The following AKR1B15 variants were observed in gnomAD, a reference collection of about 807,000 sequenced individuals.
The protein encoded by AKR1B15 is aldo-keto reductase family 1 member B15.
Under a neutral mutation model 38.5 loss-of-function variants are expected in AKR1B15, and 49 were observed. The observed-to-expected ratio is 1.27, with a 90% CI of 1.01 to 1.62. The LOEUF is 1.62. Ranked by LOEUF, AKR1B15 falls within the 40% of genes most tolerant of loss-of-function variation. The pLI is 0.00. For synonymous variants in AKR1B15, 137 were observed against 135.5 expected, an observed-to-expected ratio of 1.01 and a Z score of -0.08; for missense variants, 411 against 381.6, an observed-to-expected ratio of 1.08 and a Z score of -0.64.
intron 6 of AKR1B15, among the ~76,000 whole-genome samples, chr7:134,574,362 G>T (rs774591804): frequency 5.3e-5 from 8 of 151,942 alleles, no homozygotes; most frequent in Non-Finnish European, 1.2e-4. Flanking sequence ...CTCTCTCTCG[G>T]GGTTTTTGTT....
Position 134,568,180 on chromosome 7 carries a change from A to C in AKR1B15, c.173A>C (p.Glu58Ala), listed in dbSNP as rs753807222. The change falls in exon 4 of 12, where the codon GAA becomes GCA. Residue 58 changes from glutamate to alanine, a missense_variant. Glu to Ala is a moderately radical substitution (Grantham distance 107). Around this residue, in one of 3 missense-constraint regions of AKR1B15, gnomAD observed 254 missense variants for 212.4 expected, o/e 1.20. Transcript: ENST00000457545. ...CAGTCTCTTCTCGGCAAAGTGAAAG[A>C]AGCGGTGAAGGTGGCCATTGATGCA... is the stretch of plus-strand genomic sequence containing the variant. ...YPASLLGKVK[E>A]AVKVAIDAEY... 1 of 1,614,102 alleles carries C rather than the reference A, an allele frequency of 6.2e-7. No individual in the cohort carries two copies. Among genetic ancestry groups the C allele is most frequent in the Non-Finnish European group, 8.5e-7 (1 of 1,179,980 alleles).
At chr7:134,566,289 C>T (rs706201) in intron 3 of AKR1B15, among the ~76,000 whole-genome samples, 88,066 of 151,916 alleles carry the variant, frequency 0.58, 26,732 homozygotes, top group African/African-American at 0.78. Context: ...AGTGAGATCC[C>T]GTGTAAGAGA....
chr7:134,562,886 CTTTCCTTCT>C (rs1794450398), intron 2 of AKR1B15, among the ~76,000 whole-genome samples: 5 of 127,708 alleles, frequency 3.9e-5, no homozygotes, highest in African/African-American at 6.1e-5. Flanking sequence ...TTCTTTCTTT[CTTTCCTTCT>C]TTCTTCCTTC....
rs76686337 is a variant in AKR1B15, at chr7:134,579,492, T to A, written c.993-15T>A. 1.0e-5 allele frequency: 16 copies of A among 1,546,190 alleles called. No homozygotes were observed. In the South Asian group the frequency reaches 1.8e-4, roughly 18 times the overall value. ...ATGGAACACAGTTTCTTTTTTTTTT[T>A]CTCTCTCTCTGTAGATTCTCTCATT... On this transcript the variant is annotated splice_polypyrimidine_tract_variant and intron_variant, in intron 11 of 11. Transcript: ENST00000457545.
chr7:134,552,107 A>C (rs1204943673), intron 1 of AKR1B15, among the ~76,000 whole-genome samples: 1 of 152,180 alleles, frequency 6.6e-6, no homozygotes, highest in African/African-American at 2.4e-5. Context: ...CACTCACGAG[A>C]GGTGAGTTTA....
Position 134,577,691 on chromosome 7 carries a change from C to T in AKR1B15, c.910-13C>T. The T allele has an allele frequency of 1.9e-6, 3 of 1,612,946 alleles. No homozygotes were observed. Among genetic ancestry groups the T allele is most frequent in the Non-Finnish European group, 2.5e-6 (3 of 1,179,440 alleles). The stretch of plus-strand genomic sequence containing the variant: ...GCCTTACCGATAATGTATTGGAATT[C>T]TTTCCTTTCTAGGTCTTTGACTTTA... On this transcript the variant is annotated splice_polypyrimidine_tract_variant and intron_variant, in intron 10 of 11. Coordinates refer to ENST00000457545, the MANE Select transcript of AKR1B15 (RefSeq NM_001080538.3).
Position 134,554,433 on chromosome 7 carries a change from C to T in AKR1B15, c.-146-2303C>T, listed in dbSNP as rs12056246. On this transcript the variant is annotated intron_variant, in intron 1 of 11. Transcript: ENST00000457545. The stretch of plus-strand genomic sequence containing the variant: ...GATTCCAGAATCTTCATGCCCCAAG[C>T]CCTTGGGGAAACTTTTATCAATCAT... Among the ~76,000 whole-genome samples, 3 of 152,260 alleles carry T rather than the reference C, an allele frequency of 2.0e-5. No individual in the cohort carries two copies. In the East Asian group the frequency reaches 5.8e-4, roughly 29 times the overall value.
At chr7:134,559,839 G>C (rs1051384207) in intron 2 of AKR1B15, among the ~76,000 whole-genome samples, 3 of 152,188 alleles carry the variant, frequency 2.0e-5, no homozygotes, top group Admixed American at 2.0e-4. Flanking sequence ...GCCAGGTGCA[G>C]TGGCTCACGC....
chr7:134,561,676 C>A (rs191217176), intron 2 of AKR1B15, among the ~76,000 whole-genome samples: 50 of 152,258 alleles, frequency 3.3e-4, no homozygotes, highest in East Asian at 1.2e-3. Flanking sequence ...GCCAACTCAT[C>A]AACAAGAACA....
chr7:134,554,080 G>A (rs972933909), intron 1 of AKR1B15, among the ~76,000 whole-genome samples: 3 of 152,330 alleles, frequency 2.0e-5, no homozygotes, highest in Non-Finnish European at 4.4e-5. Flanking sequence ...TATCAAGAGC[G>A]AGGGCTACTC....
chr7:134,568,455 C>A, intron 4 of AKR1B15, 130 bp downstream of exon 4: 1 of 1,350,374 alleles, frequency 7.4e-7, no homozygotes, highest in East Asian at 2.3e-5. Flanking sequence ...TGATAACATC[C>A]GTGGATACAA....
At chr7:134,552,974 T>C (rs1562939701) in intron 1 of AKR1B15, among the ~76,000 whole-genome samples, 1 of 152,182 alleles carries the variant, frequency 6.6e-6, no homozygotes, top group Non-Finnish European at 1.5e-5. Context: ...CTGAAACTAC[T>C]GACAGCTGCC....
Position 134,564,752 on chromosome 7 carries a change from C to T in AKR1B15, c.133C>T (p.Leu45Phe), listed in dbSNP as rs1471896716. 5.8e-6 allele frequency: 4 copies of T among 686,322 alleles called. No individual in the cohort carries two copies. The highest frequency in any genetic ancestry group is 5.3e-6 in the Non-Finnish European group (2 of 378,164). The allele number at this position is 686,322 out of a possible 1,614,324, so 42.5% of individuals were successfully genotyped here. A position where few individuals can be genotyped will look rare whatever the true frequency, so the allele number is the denominator to read the frequency against. Residue 45 changes from leucine to phenylalanine, a missense_variant, in exon 3 of 12, where the codon CTT (leucine) becomes TTT (phenylalanine). Leu to Phe is a conservative substitution (Grantham distance 22, BLOSUM62 0). This residue lies in a region of AKR1B15 where 254 missense variants were observed against 212.4 expected (regional missense o/e 1.20). Coordinates refer to ENST00000457545, the MANE Select transcript of AKR1B15 (RefSeq NM_001080538.3). ...GGACACTACAAGTGCAGGGCCCCTT[C>T]TTCGCCCCTATCCAGCAGTAAGTGG... ...LKDTTSAGPL[L>F]RPYPASLLGK...
At chr7:134,550,408 G>A (rs1793926690) in intron 1 of AKR1B15, among the ~76,000 whole-genome samples, 1 of 152,108 alleles carries the variant, frequency 6.6e-6, no homozygotes, top group Admixed American at 6.5e-5. Flanking sequence ...GACCGAGTTT[G>A]AACATTTTGC....
In AKR1B15 at chr7:134,576,980, T is replaced by C. The variant is rs777061529; in HGVS notation, c.843T>C (p.His281=). 10 of 1,613,862 alleles carry C rather than the reference T, an allele frequency of 6.2e-6. No individual in the cohort carries two copies. The highest frequency in any genetic ancestry group is 8.5e-6 in the Non-Finnish European group (10 of 1,179,754). ...KTTAQVLIRF[H]IQRNVTVIPK... Reference sequence around the variant, plus strand: ...CTGCACAGGTTCTGATCCGTTTCCATATCCAGAGGAATGTGACAGTGATCC... The same window carrying C: ...CTGCACAGGTTCTGATCCGTTTCCACATCCAGAGGAATGTGACAGTGATCC... Residue 281 remains histidine, a synonymous_variant, in exon 10 of 12, where the codon CAT becomes CAC. Transcript: ENST00000457545.
Position 134,568,166 on chromosome 7 carries a change from C to A in AKR1B15, c.159C>A (p.Leu53=), listed in dbSNP as rs747847872. Residue 53 remains leucine, a synonymous_variant, in exon 4 of 12, where the codon CTC becomes CTA. Coordinates refer to ENST00000457545, the MANE Select transcript of AKR1B15 (RefSeq NM_001080538.3). ...TTTCTTTTGCTTTTCAGTCTCTTCT[C>A]GGCAAAGTGAAAGAAGCGGTGAAGG... ...PLLRPYPASL[L]GKVKEAVKVA... is the part of the protein sequence containing the mutation. 6.2e-7 allele frequency: 1 copy of A among 1,613,982 alleles called. No individual in the cohort carries two copies. The highest frequency in any genetic ancestry group is 8.5e-7 in the Non-Finnish European group (1 of 1,179,954).
Position 134,578,793 on chromosome 7 carries a change from C to T in AKR1B15, c.993-714C>T, listed in dbSNP as rs1431318877. Among the ~76,000 whole-genome samples, 3 of 152,210 alleles carry T rather than the reference C, an allele frequency of 2.0e-5. No homozygotes were observed. The East Asian group carries it at 5.8e-4, about 29-fold the overall frequency. On this transcript the variant is annotated intron_variant, in intron 11 of 11. Coordinates refer to ENST00000457545, the MANE Select transcript of AKR1B15 (RefSeq NM_001080538.3). Reference sequence around the variant, plus strand: ...ACCCTCAGTATCATAGCAGCCTTTCCTCATCTTACAATGGCTTAGTTTCAT... The same window carrying T: ...ACCCTCAGTATCATAGCAGCCTTTCTTCATCTTACAATGGCTTAGTTTCAT...
chr7:134,572,908 T>G (rs1333539308), intron 6 of AKR1B15, among the ~76,000 whole-genome samples: 2 of 152,224 alleles, frequency 1.3e-5, no homozygotes, highest in Non-Finnish European at 2.9e-5. Flanking sequence ...GTTGCGAGTT[T>G]GTATTGTGTT....
chr7:134,577,588 C>A lies in AKR1B15; in HGVS notation c.910-116C>A, dbSNP rs1402545744. On this transcript the variant is annotated intron_variant, in intron 10 of 11. Coordinates refer to ENST00000457545, the MANE Select transcript of AKR1B15 (RefSeq NM_001080538.3). ...TCCCTTGGACAGAATGGGAAAAACT[C>A]CTATGGCCAGTTTGTGCTGTGAATG... 9.1e-6 allele frequency: 11 copies of A among 1,211,780 alleles called. No individual in the cohort carries two copies. The Admixed American group carries it at 2.4e-4, about 26-fold the overall frequency. 75.1% of individuals were successfully genotyped at this position (1,211,780 alleles called of 1,614,324 possible).
Sources: gnomAD v4.1 joint callset for allele counts (sites outside exome capture counted in the v4.1 genomes callset) on GRCh38, gnomAD v4.1.1 for gene constraint, gnomAD v4.1.1 regional missense constraint, MANE v1.5 for transcripts, NCBI Gene and HGNC (gene_info 2026-07-23, HGNC 2026-07-21) for gene names.